The following ZC3HAV1 variants were observed in gnomAD, a reference collection of about 807,000 sequenced individuals.
The protein encoded by ZC3HAV1 is zinc finger CCCH-type containing, antiviral 1, also known as zinc finger CCCH-type antiviral protein 1.
ZC3HAV1 carries 41 observed loss-of-function variants against 86.6 expected under a neutral mutation model. That is an observed-to-expected ratio of 0.47 (90% CI 0.37 to 0.61). The LOEUF is 0.61. Ranked by LOEUF, ZC3HAV1 falls within the 20% of genes least tolerant of loss-of-function variation. ZC3HAV1 has a pLI of 0.00. For synonymous variants in ZC3HAV1, 421 were observed against 432.1 expected, an observed-to-expected ratio of 0.97 and a Z score of 0.32; for missense variants, 964 against 1,141.1, an observed-to-expected ratio of 0.84 and a Z score of 2.24.
At chr7:139,105,576 A>G (rs1457637934) in intron 1 of ZC3HAV1, among the ~76,000 whole-genome samples, 1 of 152,230 alleles carries the variant, frequency 6.6e-6, no homozygotes, top group African/African-American at 2.4e-5. Flanking sequence ...TGTCAACTAA[A>G]ATGTATCACT....
chr7:139,067,648 T>C (rs927050872), intron 7 of ZC3HAV1, among the ~76,000 whole-genome samples: 1 of 152,192 alleles, frequency 6.6e-6, no homozygotes, highest in African/African-American at 2.4e-5. Context: ...CTAAAAACCC[T>C]GACTTTACTA....
chr7:139,068,694 C>A (rs1277756038), intron 7 of ZC3HAV1, among the ~76,000 whole-genome samples: 1 of 152,234 alleles, frequency 6.6e-6, no homozygotes. Context: ...CCTAGCATGG[C>A]TCCACACCGA....
chr7:139,056,792 C>T (rs1453412828), intron 9 of ZC3HAV1, among the ~76,000 whole-genome samples: 2 of 152,150 alleles, frequency 1.3e-5, no homozygotes, highest in African/African-American at 4.8e-5. Context: ...TGACACAAAT[C>T]AACCAAACAC....
Position 139,045,086 on chromosome 7 carries a change from AG to A in ZC3HAV1, c.*2507del, listed in dbSNP as rs749174501. 15 of 152,192 alleles carry A rather than the reference AG, an allele frequency of 9.9e-5. No homozygotes were observed. The highest frequency in any genetic ancestry group is 2.2e-4 in the Non-Finnish European group (15 of 68,034). 9.4% of individuals were successfully genotyped at this position (152,192 alleles called of 1,614,324 possible). A position where few individuals can be genotyped will look rare whatever the true frequency, so the allele number is the denominator to read the frequency against. On this transcript the variant is annotated 3_prime_UTR_variant, in exon 13 of 13. Coordinates refer to ENST00000242351, the MANE Select transcript of ZC3HAV1 (RefSeq NM_020119.4). ...CTTCAGTTACAGCTGTGCCCAAGTT[AG>A]GTACCTTTTATTTCCTCTTTATGTT...
At chr7:139,091,196 T>A (rs2130721653) in intron 1 of ZC3HAV1, among the ~76,000 whole-genome samples, 1 of 152,212 alleles carries the variant, frequency 6.6e-6, no homozygotes, top group Non-Finnish European at 1.5e-5. Flanking sequence ...GAAGGGCCTT[T>A]GAAAAGTAAT....
At chr7:139,071,369 T>G (rs991379252) in intron 7 of ZC3HAV1, among the ~76,000 whole-genome samples, 1 of 152,190 alleles carries the variant, frequency 6.6e-6, no homozygotes, top group African/African-American at 2.4e-5. Flanking sequence ...CCCAAAGTGC[T>G]GGGATTACTG....
chr7:139,067,315 T>C (rs940281433), intron 7 of ZC3HAV1, among the ~76,000 whole-genome samples: 1 of 152,092 alleles, frequency 6.6e-6, no homozygotes, highest in Non-Finnish European at 1.5e-5. Context: ...ACACCCCAGC[T>C]AATTTTTGTA....
chr7:139,099,920 T>A (rs934153876), intron 1 of ZC3HAV1, among the ~76,000 whole-genome samples: 5 of 150,418 alleles, frequency 3.3e-5, no homozygotes, highest in South Asian at 2.1e-4. Flanking sequence ...GAACAAAAAA[T>A]AAATAAATAA....
rs1563145150 is a variant in ZC3HAV1, at chr7:139,109,011, CG to C, written c.308+12del. 6.5e-7 allele frequency: 1 copy of C among 1,537,598 alleles called. No individual in the cohort carries two copies. Among genetic ancestry groups the C allele is most frequent in the Non-Finnish European group, 8.8e-7 (1 of 1,135,178 alleles). On this transcript the variant is annotated intron_variant, in intron 1 of 12. Transcript: ENST00000242351. The stretch of plus-strand genomic sequence containing the variant: ...CGGCTGCGGACAGCGCCCCTCCCTC[CG>C]GGTGCACTCACCGCTCGGACTGCGA...
At chr7:139,105,524 C>T (rs1226706135) in intron 1 of ZC3HAV1, among the ~76,000 whole-genome samples, 7 of 152,120 alleles carry the variant, frequency 4.6e-5, no homozygotes, top group Admixed American at 2.0e-4. Context: ...ATATCCAAAC[C>T]GATTCACCAA....
At chr7:139,067,662 G>C (rs1816645484) in intron 7 of ZC3HAV1, among the ~76,000 whole-genome samples, 1 of 152,030 alleles carries the variant, frequency 6.6e-6, no homozygotes, top group Admixed American at 6.6e-5. Context: ...TTTACTACTA[G>C]GTAATCTATG....
At chr7:139,065,120 T>C (rs1003921789) in intron 7 of ZC3HAV1, 121 bp from the exon 8 acceptor site, 3 of 1,314,412 alleles carry the variant, frequency 2.3e-6, no homozygotes, top group South Asian at 1.4e-5. Context: ...CCAAACCAGA[T>C]TGTAAAAGCT....
rs765048966 is a variant in ZC3HAV1 at position 139,083,891 on chromosome 7, T to G, written c.586A>C (p.Arg196=). Reference sequence around the variant, plus strand: ...TCCCTCATGATGGCCAGCACCTTTCTGTCCATCAGGTTATGGGACCGGAGG... The same window carrying G: ...TCCCTCATGATGGCCAGCACCTTTCGGTCCATCAGGTTATGGGACCGGAGG... ...NCLRSHNLMD[R]KVLAIMREHG... The change falls in exon 3 of 13, where the codon AGA becomes CGA. Residue 196 remains arginine, a synonymous_variant. Coordinates refer to ENST00000242351, the MANE Select transcript of ZC3HAV1 (RefSeq NM_020119.4). The G allele has an allele frequency of 1.9e-6, 3 of 1,614,176 alleles. No homozygotes were observed. The highest frequency in any genetic ancestry group is 2.5e-6 in the Non-Finnish European group (3 of 1,180,024).
At chr7:139,056,541 A>G (rs890024757) in intron 9 of ZC3HAV1, among the ~76,000 whole-genome samples, 83 of 151,716 alleles carry the variant, frequency 5.5e-4, no homozygotes, top group African/African-American at 2.0e-3. Context: ...TGGGACCACA[A>G]GTGTGTACCA....
At chr7:139,064,817 C>G (rs1187959214) in intron 8 of ZC3HAV1, 62 bp downstream of exon 8, 1 of 1,612,182 alleles carries the variant, frequency 6.2e-7, no homozygotes, top group South Asian at 1.1e-5. Flanking sequence ...TGCTCCCACT[C>G]CCACGTGTAC....
rs560567484 is a variant in ZC3HAV1 at position 139,084,145 on chromosome 7, A to G, written c.445-113T>C. ...TCTCTGAAGCAAGCAGAGATATACC[A>G]AAGGGGGAAAAATACATGCATATTC... On this transcript the variant is annotated intron_variant, in intron 2 of 12. Coordinates refer to ENST00000242351, the MANE Select transcript of ZC3HAV1 (RefSeq NM_020119.4). 98 of 1,384,602 alleles carry G rather than the reference A, an allele frequency of 7.1e-5. 1 individual carries two copies. The South Asian group carries it at 1.3e-3, about 19-fold the overall frequency. The allele number at this position is 1,384,602 out of a possible 1,614,324, so 85.8% of individuals were successfully genotyped here. A position where few individuals can be genotyped will look rare whatever the true frequency, so the allele number is the denominator to read the frequency against.
At chr7:139,081,942 C>T (rs1817138311) in intron 3 of ZC3HAV1, among the ~76,000 whole-genome samples, 2 of 152,122 alleles carry the variant, frequency 1.3e-5, no homozygotes, top group South Asian at 4.1e-4. Flanking sequence ...AAAATGAATG[C>T]CATTATATAA....
chr7:139,050,247 G>C (rs1816084218), intron 12 of ZC3HAV1, among the ~76,000 whole-genome samples: 2 of 151,792 alleles, frequency 1.3e-5, no homozygotes, highest in South Asian at 4.2e-4. Context: ...GTCCATTTTT[G>C]TTTTTGTTGC....
Position 139,109,286 on chromosome 7 carries a change from C to A in ZC3HAV1, c.46G>T (p.Ala16Ser), listed in dbSNP as rs762533295. ...TCCAGGGCCATGCGGCCCCCGTGGGCGCACAGGATTTTGGTGATGAAGCAG... is the reference window on the plus strand; with the variant it reads ...TCCAGGGCCATGCGGCCCCCGTGGGAGCACAGGATTTTGGTGATGAAGCAG... ...VCCFITKILCAHGGRMALDAL... is the reference protein window; with the variant it reads ...VCCFITKILCSHGGRMALDAL... The change falls in exon 1 of 13, where the codon GCC becomes TCC. Residue 16 changes from alanine (A) to serine (S), a missense_variant. Ala to Ser is a moderately conservative substitution (Grantham distance 99, BLOSUM62 1). Coordinates refer to ENST00000242351, the MANE Select transcript of ZC3HAV1 (RefSeq NM_020119.4). 1 of 1,610,720 alleles carries A rather than the reference C, an allele frequency of 6.2e-7. No homozygotes were observed. Among genetic ancestry groups the A allele is most frequent in the Admixed American group, 1.7e-5 (1 of 59,898 alleles).
Sources: gnomAD v4.1 joint callset for allele counts (sites outside exome capture counted in the v4.1 genomes callset) on GRCh38, gnomAD v4.1.1 for gene constraint, MANE v1.5 for transcripts, NCBI Gene and HGNC (gene_info 2026-07-23, HGNC 2026-07-21) for gene names.